The following MEAK7 variants were observed in gnomAD, a reference collection of about 807,000 sequenced individuals.
MEAK7 encodes MTOR-associated protein MEAK7.
Under a neutral mutation model 40.5 loss-of-function variants are expected in MEAK7, and 68 were observed. That is an observed-to-expected ratio of 1.68 (90% confidence interval 1.38 to 2.06). The LOEUF (loss-of-function observed/expected upper bound fraction) is 2.06, where lower values mean the gene tolerates loss of function less well. Ranked by LOEUF, MEAK7 falls within the 30% of genes most tolerant of loss-of-function variation. The pLI is 0.00. For missense variants in MEAK7, 918 were observed against 580.5 expected (o/e 1.58, Z -5.98); for synonymous variants, 338 against 231.9 (o/e 1.46, Z -4.16).
chr16:84,482,705 T>C lies in MEAK7; in HGVS notation c.964A>G (p.Asn322Asp). The C allele has an allele frequency of 6.2e-7, 1 of 1,614,154 alleles. No homozygotes were observed. Among genetic ancestry groups the C allele is most frequent in the East Asian group, 2.2e-5 (1 of 44,876 alleles). ...CAGATGGAGAACAGGAAGCATCTGT[T>C]GTCCCCTGAAAGTAGCCAGAGAACA... ...WEVKPQFQGD[N>D]RCFLFSICPS... The change falls in exon 6 of 8, where the codon AAC becomes GAC. Residue 322 changes from asparagine (N) to aspartate (D), a missense_variant. Transcript: ENST00000343629.
intron 6 of MEAK7, among the ~76,000 whole-genome samples, chr16:84,481,121 G>A (rs766598538): frequency 2.6e-5 from 4 of 152,330 alleles, no homozygotes; most frequent in Admixed American, 6.5e-5. Context: ...CCAGTGCCCC[G>A]CTTCCGGGCA....
chr16:84,478,019 C>G lies in MEAK7; in HGVS notation c.*1894G>C, dbSNP rs1449553259. 1 of 151,070 alleles carries G rather than the reference C, an allele frequency of 6.6e-6. No homozygotes were observed. Among genetic ancestry groups the G allele is most frequent in the Non-Finnish European group, 1.5e-5 (1 of 67,838 alleles). 9.4% of individuals were successfully genotyped at this position (151,070 alleles called of 1,614,324 possible). A position where few individuals can be genotyped will look rare whatever the true frequency, so the allele number is the denominator to read the frequency against. On this transcript the variant is annotated 3_prime_UTR_variant, in exon 8 of 8. Transcript: ENST00000343629. ...CTGGGCAGAAGCAGCAATCAATGGT[C>G]ACCAAGGCACAGACACTGACGGACA... is the stretch of plus-strand genomic sequence containing the variant.
At chr16:84,493,146 G>A (rs1006383188) in intron 3 of MEAK7, among the ~76,000 whole-genome samples, 9 of 152,166 alleles carry the variant, frequency 5.9e-5, no homozygotes, top group African/African-American at 1.9e-4. Flanking sequence ...ATTCTGATGT[G>A]TCTTAGTATA....
chr16:84,488,911 C>T (rs532177328), intron 4 of MEAK7, among the ~76,000 whole-genome samples: 1 of 151,886 alleles, frequency 6.6e-6, no homozygotes, highest in Non-Finnish European at 1.5e-5. Flanking sequence ...TTAAAGCAAA[C>T]AGAAGGAAGA....
At chr16:84,496,016 G>C in intron 2 of MEAK7, 103 bp from the exon 3 acceptor site, 3 of 1,285,042 alleles carry the variant, frequency 2.3e-6, no homozygotes, top group African/African-American at 3.0e-5. Flanking sequence ...GGGGTCCTTG[G>C]GAAGTTTTCG....
At chr16:84,499,697 T>C (rs1914341862) in intron 1 of MEAK7, among the ~76,000 whole-genome samples, 1 of 152,236 alleles carries the variant, frequency 6.6e-6, no homozygotes, top group Non-Finnish European at 1.5e-5. Flanking sequence ...ATCACCCGTC[T>C]ACTTTCTGTC....
intron 3 of MEAK7, among the ~76,000 whole-genome samples, chr16:84,494,311 T>C (rs755363086): frequency 2.2e-4 from 34 of 152,238 alleles, no homozygotes; most frequent in Admixed American, 6.5e-4. Flanking sequence ...ACACTGGTTA[T>C]TGGATTCTAG....
In MEAK7 at chr16:84,498,108, T is replaced by C. The variant is rs1597966599; in HGVS notation, c.-22A>G. 3 of 1,562,970 alleles carry C rather than the reference T, an allele frequency of 1.9e-6. No homozygotes were observed. Among genetic ancestry groups the C allele is most frequent in the Non-Finnish European group, 2.6e-6 (3 of 1,158,338 alleles). On this transcript the variant is annotated 5_prime_UTR_variant, in exon 2 of 8. Coordinates refer to ENST00000343629, the MANE Select transcript of MEAK7 (RefSeq NM_020947.4). The stretch of plus-strand genomic sequence containing the variant: ...CCATCTGTCCTGATATCTGGCAGAA[T>C]TCTCTGCAGAAGGAAAAGACACAAC...
At position 84,489,401 on chromosome 16, in the gene MEAK7, A is replaced by C. The variant is rs1364497542; in HGVS notation, c.406T>G (p.Ser136Ala). 1.2e-5 allele frequency: 20 copies of C among 1,613,042 alleles called. No individual in the cohort carries two copies. The highest frequency in any genetic ancestry group is 1.6e-5 in the Non-Finnish European group (19 of 1,179,508). The change falls in exon 4 of 8, where the codon TCT becomes GCT. Residue 136 changes from serine (S) to alanine (A), a missense_variant. Ser to Ala is a moderately conservative substitution (Grantham distance 99, BLOSUM62 1). Coordinates refer to ENST00000343629, the MANE Select transcript of MEAK7 (RefSeq NM_020947.4). ...CTGTGGCTTAGCACGTGCACCACAG[A>C]GCCAACCAGATCCTCTGTAAACTGT... ...VQKFTEDLVGSVVHVLSHRQE... is the reference protein window; with the variant it reads ...VQKFTEDLVGAVVHVLSHRQE...
At chr16:84,483,378 G>A (rs1210957611) in intron 5 of MEAK7, among the ~76,000 whole-genome samples, 3 of 152,222 alleles carry the variant, frequency 2.0e-5, no homozygotes, top group Non-Finnish European at 4.4e-5. Context: ...CCTCGTCCTC[G>A]GAGCTCCCAG....
Position 84,487,025 on chromosome 16 carries a change from G to C in MEAK7, c.564C>G (p.Asp188Glu), listed in dbSNP as rs542842001. 4.3e-6 allele frequency: 7 copies of C among 1,613,644 alleles called. No individual in the cohort carries two copies. In the South Asian group the frequency reaches 5.5e-5, roughly 13 times the overall value. ...CGATCACAGCTCGGTCACAGTCATA[G>C]TCCAGCCACTGGGGCCCCAGAAGTC... ...GKRLLGPQWL[D>E]YDCDRAVIED... The change falls in exon 5 of 8, where the codon GAC becomes GAG. Residue 188 changes from aspartate to glutamate, a missense_variant. Transcript: ENST00000343629.
chr16:84,500,761 G>A (rs1914431361), intron 1 of MEAK7, among the ~76,000 whole-genome samples: 1 of 152,068 alleles, frequency 6.6e-6, no homozygotes, highest in Admixed American at 6.6e-5. Flanking sequence ...TGAAACAGAG[G>A]GGCTGCACCG....
chr16:84,488,717 G>C, intron 4 of MEAK7, among the ~76,000 whole-genome samples: 1 of 152,066 alleles, frequency 6.6e-6, no homozygotes, highest in Middle Eastern at 3.2e-3. Context: ...AAAATCCTAA[G>C]GGACATTAGA....
intron 1 of MEAK7, among the ~76,000 whole-genome samples, chr16:84,498,806 A>G (rs932266535): frequency 2.0e-5 from 3 of 152,218 alleles, no homozygotes; most frequent in Non-Finnish European, 4.4e-5. Flanking sequence ...CAAAGGCTGA[A>G]CAATCACCTG....
rs1914001455 is a variant in MEAK7, at chr16:84,495,864, T to C, written c.203A>G (p.Asp68Gly). 6.2e-7 allele frequency: 1 copy of C among 1,613,970 alleles called. No homozygotes were observed. The change falls in exon 3 of 8, where the codon GAT (aspartate) becomes GGT (glycine). Residue 68 changes from aspartate to glycine, a missense_variant. Physicochemically the swap from Asp to Gly is moderately conservative, Grantham distance 94. Transcript: ENST00000343629. ...TGTCAGGTCGACCCTCCGCATGCCA[T>C]CATACAGCCTGGTGACCATCTCTGG... ...LPPEMVTRLY[D>G]GMRRVDLTGK...
Position 84,495,863 on chromosome 16 carries a change from A to G in MEAK7, c.204T>C (p.Asp68=), listed in dbSNP as rs1914001234. 2.5e-6 allele frequency: 4 copies of G among 1,613,928 alleles called. No homozygotes were observed. The highest frequency in any genetic ancestry group is 1.7e-5 in the Admixed American group (1 of 59,994). Reference sequence around the variant, plus strand: ...CTGTCAGGTCGACCCTCCGCATGCCATCATACAGCCTGGTGACCATCTCTG... The same window carrying G: ...CTGTCAGGTCGACCCTCCGCATGCCGTCATACAGCCTGGTGACCATCTCTG... ...LPPEMVTRLY[D]GMRRVDLTGK... is the part of the protein sequence containing the mutation. Residue 68 remains aspartate (D), a synonymous_variant, in exon 3 of 8, where the codon GAT becomes GAC. Coordinates refer to ENST00000343629, the MANE Select transcript of MEAK7 (RefSeq NM_020947.4).
chr16:84,479,463 TTCCCTAATGCCAGCGGAATTCCCTAATGC>T lies in MEAK7; in HGVS notation c.*421_*449del, dbSNP rs1912311769. On this transcript the variant is annotated 3_prime_UTR_variant, in exon 8 of 8. Transcript: ENST00000343629. ...GCGGAATTCCCTAATGCCAGCGGAA[TTCCCTAATGCCAGCGGAATTCCCTAATGC>T]CAGCGGAATTCCCTAATGCCAGCGG... 8.9e-6 allele frequency: 1 copy of T among 112,152 alleles called. No homozygotes were observed. Among genetic ancestry groups the T allele is most frequent in the African/African-American group, 3.9e-5 (1 of 25,836 alleles). The allele number at this position is 112,152 out of a possible 1,614,324, so 6.9% of individuals were successfully genotyped here. A position where few individuals can be genotyped will look rare whatever the true frequency, so the allele number is the denominator to read the frequency against.
intron 1 of MEAK7, among the ~76,000 whole-genome samples, chr16:84,502,526 T>A (rs1035850475): frequency 2.8e-4 from 43 of 152,020 alleles, no homozygotes; most frequent in African/African-American, 9.9e-4. Context: ...ATGCACAGCT[T>A]TGCAGAGAAG....
At chr16:84,488,932 T>C (rs1178688128) in intron 4 of MEAK7, among the ~76,000 whole-genome samples, 1 of 151,616 alleles carries the variant, frequency 6.6e-6, no homozygotes, top group Non-Finnish European at 1.5e-5. Flanking sequence ...AAATAAAAGC[T>C]AGAGGAAAAT....
Sources: gnomAD v4.1 joint callset for allele counts (sites outside exome capture counted in the v4.1 genomes callset) on GRCh38, gnomAD v4.1.1 for gene constraint, MANE v1.5 for transcripts, NCBI Gene and HGNC (gene_info 2026-07-23, HGNC 2026-07-21) for gene names.